The following NRXN2 variants were observed in gnomAD, a reference collection of about 807,000 sequenced individuals.
NRXN2 encodes the protein neurexin-2-beta.
A neutral mutation model predicts 128.8 loss-of-function variants in NRXN2; 29 were observed. The ratio of observed to expected loss-of-function variants is 0.23; its 90% CI spans 0.17 to 0.31. The LOEUF is 0.31. Among genes scored for constraint, NRXN2 ranks in the 10% least tolerant of loss-of-function variants. NRXN2 has a pLI of 1.00. For synonymous variants in NRXN2, 1,098 were observed against 1,075.2 expected, an observed-to-expected ratio of 1.02 and a Z score of -0.41; for missense variants, 1,881 against 2,452.6, an observed-to-expected ratio of 0.77 and a Z score of 4.92.
intron 3 of NRXN2, among the ~76,000 whole-genome samples, chr11:64,693,682 G>A (rs946517775): frequency 6.6e-6 from 1 of 152,164 alleles, no homozygotes; most frequent in Non-Finnish European, 1.5e-5. Flanking sequence ...GGTTCTAAGA[G>A]GAAACTGGGG....
intron 3 of NRXN2, among the ~76,000 whole-genome samples, chr11:64,696,312 G>A (rs746132057): frequency 6.6e-6 from 1 of 151,814 alleles, no homozygotes; most frequent in Non-Finnish European, 1.5e-5. Context: ...CACAGATGCA[G>A]ACACACAAAG....
intron 11 of NRXN2, among the ~76,000 whole-genome samples, chr11:64,657,546 C>T (rs200019490): frequency 6.6e-6 from 1 of 152,206 alleles, no homozygotes. Context: ...ATCTGAGCCT[C>T]AAAACCACCA....
chr11:64,628,383 C>G lies in NRXN2; in HGVS notation c.3758-1831G>C, dbSNP rs554865351. On this transcript the variant is annotated intron_variant, in intron 19 of 22. Transcript: ENST00000265459. ...CCCAAAGAATCAGAGGGTCCCCCCC[C>G]ACTCTGGGCCCATGCATACTGATGG... Among the ~76,000 whole-genome samples the G allele has an allele frequency of 2.4e-4, 36 of 152,302 alleles. No homozygotes were observed. The East Asian group carries it at 4.0e-3, about 17-fold the overall frequency.
intron 7 of NRXN2, 34 bp downstream of exon 7, chr11:64,676,959 A>C: frequency 1.2e-6 from 2 of 1,606,074 alleles, no homozygotes; most frequent in Non-Finnish European, 1.7e-6. Context: ...ACCCACGGCA[A>C]ACCAAACGGT....
At chr11:64,664,882 C>T (rs1364730225) in intron 9 of NRXN2, among the ~76,000 whole-genome samples, 4 of 151,462 alleles carry the variant, frequency 2.6e-5, no homozygotes, top group East Asian at 2.0e-4. Context: ...CCCAGCTACT[C>T]GGGAGGCTGA....
chr11:64,695,432 T>A (rs2054371658), intron 3 of NRXN2, among the ~76,000 whole-genome samples: 3 of 151,860 alleles, frequency 2.0e-5, no homozygotes. Context: ...CAGTGTCAAG[T>A]GGGAAGAAGG....
intron 7 of NRXN2, among the ~76,000 whole-genome samples, chr11:64,669,113 GGTGCTGGAAA>G (rs2050287670): frequency 6.6e-6 from 1 of 152,194 alleles, no homozygotes; most frequent in Non-Finnish European, 1.5e-5. Context: ...CTCTCTGCTG[GGTGCTGGAAA>G]GTCTTTCAGT....
At chr11:64,676,954 C>A (rs367889670) in intron 7 of NRXN2, 39 bp downstream of exon 7, 2 of 1,593,518 alleles carry the variant, frequency 1.3e-6, no homozygotes, top group African/African-American at 1.3e-5. Flanking sequence ...AAAAAACCCA[C>A]GGCAAACCAA....
At chr11:64,664,713 C>T (rs1055463823) in intron 9 of NRXN2, among the ~76,000 whole-genome samples, 3 of 151,844 alleles carry the variant, frequency 2.0e-5, no homozygotes, top group South Asian at 4.2e-4. Context: ...CATCAGAGGC[C>T]GGGCGCCGTG....
intron 22 of NRXN2, among the ~76,000 whole-genome samples, chr11:64,616,638 C>A (rs570403410): frequency 2.0e-5 from 3 of 152,212 alleles, no homozygotes; most frequent in Non-Finnish European, 4.4e-5. Context: ...CAGGTCTGAA[C>A]ACAGATGTGT....
chr11:64,668,500 G>A lies in NRXN2; in HGVS notation c.1302C>T (p.Asn434=), dbSNP rs1022548439. Residue 434 remains asparagine, a synonymous_variant, in exon 8 of 23, where the codon AAC becomes AAT. Transcript: ENST00000265459. ...DDFFYIGGSP[N]TADLPGSPVS... ...CGGGCGAGCCCGGCAGGTCAGCTGT[G>A]TTGGGGCTGCCCCCAATGTAGAAGA... is the stretch of plus-strand genomic sequence containing the variant. 6.2e-6 allele frequency: 10 copies of A among 1,614,004 alleles called. No individual in the cohort carries two copies. The African/African-American group carries it at 8.0e-5, about 13-fold the overall frequency.
At chr11:64,719,649 G>A (rs543705771) in intron 1 of NRXN2, among the ~76,000 whole-genome samples, 1 of 152,334 alleles carries the variant, frequency 6.6e-6, no homozygotes, top group South Asian at 2.1e-4. Context: ...ACTTGGTGGA[G>A]TGGGGGCCGG....
chr11:64,650,458 G>A lies in NRXN2; in HGVS notation c.3099C>T (p.Leu1033=), dbSNP rs749664910. 2.5e-6 allele frequency: 4 copies of A among 1,614,192 alleles called. No homozygotes were observed. Among genetic ancestry groups the A allele is most frequent in the East Asian group, 2.2e-5 (1 of 44,866 alleles). The change falls in exon 15 of 23, where the codon CTC becomes CTT. Residue 1033 remains leucine (L), a synonymous_variant. Coordinates refer to ENST00000265459, the MANE Select transcript of NRXN2 (RefSeq NM_015080.4). ...AGGCCCCAGCCCCACCTTTGAGATC[G>A]AGGTTTCGGGCGCCATTGGAGTGCT... The part of the protein sequence containing the change: ...VTQHSNGARN[L]DLKGELYIGG...
rs2057192280 is a variant in NRXN2, at chr11:64,713,935, GA to G, written c.-237del. The G allele has an allele frequency of 6.2e-6, 1 of 160,664 alleles. No homozygotes were observed. The highest frequency in any genetic ancestry group is 2.4e-5 in the African/African-American group (1 of 41,598). 10.0% of individuals were successfully genotyped at this position (160,664 alleles called of 1,614,324 possible). On this transcript the variant is annotated 5_prime_UTR_variant, in exon 2 of 23. Transcript: ENST00000265459. ...CCGCGGGCTCCGACAGAAGAGCAGG[GA>G]GGGATGCCTGCGGGAGAACAGAGAG...
Position 64,631,540 on chromosome 11 carries a change from T to C in NRXN2, c.3586-967A>G, listed in dbSNP as rs1194389204. On this transcript the variant is annotated intron_variant, in intron 18 of 22. Transcript: ENST00000265459. This position sits in a 1 kb window ranked among gnomAD's most constrained non-coding sequence, Gnocchi z 4.8. ...TACTGTACACGCATGCTCTCTTCCC[T>C]ACACCAACCCGCTGAAGAAGCTCAT... 6.6e-6 allele frequency among the ~76,000 whole-genome samples: 1 copy of C among 152,070 alleles called. No individual in the cohort carries two copies. The highest frequency in any genetic ancestry group is 2.4e-5 in the African/African-American group (1 of 41,374).
chr11:64,677,055 G>T lies in NRXN2; in HGVS notation c.1153-18C>A. On this transcript the variant is annotated intron_variant, in intron 6 of 22. Coordinates refer to ENST00000265459, the MANE Select transcript of NRXN2 (RefSeq NM_015080.4). ...CCTGCGTGCTTCACCGGAGATATGG[G>T]GGGATGGGGAGGAGGGGGGTGTCAA... The T allele has an allele frequency of 6.7e-7, 1 of 1,486,268 alleles. No individual in the cohort carries two copies. Among genetic ancestry groups the T allele is most frequent in the Non-Finnish European group, 9.1e-7 (1 of 1,100,180 alleles). The allele number at this position is 1,486,268 out of a possible 1,614,324, so 92.1% of individuals were successfully genotyped here. A position where few individuals can be genotyped will look rare whatever the true frequency, so the allele number is the denominator to read the frequency against.
intron 1 of NRXN2, among the ~76,000 whole-genome samples, chr11:64,722,648 T>C (rs925287538): frequency 4.0e-5 from 6 of 151,708 alleles, no homozygotes; most frequent in African/African-American, 1.5e-4. Flanking sequence ...TAGCACAGAC[T>C]GGGGACCCCC....
In NRXN2 at chr11:64,653,706, G is replaced by A; in HGVS notation, c.2406C>T (p.Gly802=). The change falls in exon 12 of 23, where the codon GGC becomes GGT. Residue 802 remains glycine, a synonymous_variant. Transcript: ENST00000265459. ...AGGGAAGCCACTTACTGGGTGCGCA[G>A]CCGACGCGCAGGCAGTCTGGGGGGG... The part of the protein sequence containing the change: ...LTVNLDCLRV[G]CAPSKGPETL... The A allele has an allele frequency of 6.3e-7, 1 of 1,596,502 alleles. No individual in the cohort carries two copies. The highest frequency in any genetic ancestry group is 8.5e-7 in the Non-Finnish European group (1 of 1,173,024).
Position 64,648,660 on chromosome 11 carries a change from G to A in NRXN2, c.3283+74C>T. On this transcript the variant is annotated intron_variant, in intron 16 of 22. Transcript: ENST00000265459. The surrounding 1 kb of genome is among the most constrained non-coding windows in gnomAD (Gnocchi z 4.1). ...CCCCTTGGCAGAGCAAAGGCTACCTGCCCCGGTCTGCCTCTGCAGCTGGCC... is the reference window on the plus strand; with the variant it reads ...CCCCTTGGCAGAGCAAAGGCTACCTACCCCGGTCTGCCTCTGCAGCTGGCC... The A allele has an allele frequency of 6.3e-7, 1 of 1,586,550 alleles. No homozygotes were observed. Among genetic ancestry groups the A allele is most frequent in the Non-Finnish European group, 8.6e-7 (1 of 1,156,896 alleles).
Sources: gnomAD v4.1 joint callset for allele counts (sites outside exome capture counted in the v4.1 genomes callset) on GRCh38, gnomAD v4.1.1 for gene constraint, Gnocchi (gnomAD v3.1) non-coding constraint, MANE v1.5 for transcripts, NCBI Gene and HGNC (gene_info 2026-07-23, HGNC 2026-07-21) for gene names.